CEP162: variants seen among roughly 807,000 people sequenced by gnomAD.
CEP162 encodes the protein centrosomal protein 162, also known as centrosomal protein of 162 kDa.
In CEP162, 141 loss-of-function variants were observed where a neutral mutation model predicts 169.2. That is an observed-to-expected ratio of 0.83 (90% confidence interval 0.73 to 0.96). The LOEUF is 0.96. Among genes scored for constraint, CEP162 ranks in the 40% least tolerant of loss-of-function variants. The probability of loss-of-function intolerance (pLI) is 0.00; values close to 1 mark genes in which losing one functional copy is unlikely to be tolerated. For missense variants in CEP162, 1,600 were observed against 1,587.2 expected (o/e 1.01, Z -0.14); for synonymous variants, 540 against 526.4 (o/e 1.03, Z -0.35).
At chr6:84,171,508 A>G (rs2099530106) in intron 17 of CEP162, 98 bp downstream of exon 17, 1 of 470,282 alleles carries the variant, frequency 2.1e-6, no homozygotes, top group South Asian at 7.0e-5. Context: ...ATAAAATTTT[A>G]CTATGTCTAA....
intron 11 of CEP162, among the ~76,000 whole-genome samples, chr6:84,190,886 T>A (rs1417627541): frequency 2.0e-5 from 3 of 152,236 alleles, no homozygotes; most frequent in African/African-American, 7.2e-5. Context: ...TTTCACTATG[T>A]TGGCCAGGAT....
intron 6 of CEP162, among the ~76,000 whole-genome samples, chr6:84,206,134 G>A (rs922850589): frequency 1.3e-5 from 2 of 149,148 alleles, no homozygotes; most frequent in Non-Finnish European, 2.9e-5. Context: ...CGTGAAAATG[G>A]CCATACTGCC....
intron 25 of CEP162, among the ~76,000 whole-genome samples, chr6:84,134,949 CACACACAT>C (rs1561998740): frequency 6.6e-6 from 1 of 151,146 alleles, no homozygotes; most frequent in African/African-American, 2.4e-5. Context: ...CACACACACA[CACACACAT>C]ATATAGTGTT....
chr6:84,194,501 G>A (rs1306481093), intron 10 of CEP162, among the ~76,000 whole-genome samples: 2 of 149,726 alleles, frequency 1.3e-5, no homozygotes, highest in Non-Finnish European at 3.0e-5. Flanking sequence ...TTGCCAGGCT[G>A]GAGGAGCAGT....
intron 6 of CEP162, among the ~76,000 whole-genome samples, chr6:84,211,655 A>T (rs2127745287): frequency 6.6e-6 from 1 of 152,044 alleles, no homozygotes; most frequent in East Asian, 1.9e-4. Context: ...GAAAGAAAAA[A>T]AGTTTTTAAA....
intron 25 of CEP162, among the ~76,000 whole-genome samples, chr6:84,133,407 A>G (rs983663356): frequency 2.6e-5 from 4 of 152,206 alleles, no homozygotes; most frequent in South Asian, 4.1e-4. Flanking sequence ...GGGACGTTTA[A>G]GTCTGCAGAA....
rs768257849 is a variant in CEP162 at position 84,153,001 on chromosome 6, T to A, written c.3173A>T (p.Glu1058Val). 1 of 1,613,650 alleles carries A rather than the reference T, an allele frequency of 6.2e-7. No homozygotes were observed. Among genetic ancestry groups the A allele is most frequent in the East Asian group, 2.2e-5 (1 of 44,870 alleles). The change falls in exon 23 of 27, where the codon GAA (glutamate) becomes GTA (valine). Residue 1058 changes from glutamate (E) to valine (V), a missense_variant. Coordinates refer to ENST00000403245, the MANE Select transcript of CEP162 (RefSeq NM_014895.4). ...EIDVLKHQNA[E>V]LDVKKNDKDD... Reference sequence around the variant, plus strand: ...TTTATCATTTTTCTTGACGTCTAATTCAGCATTCTGATGTTTAAGAACGTC... The same window carrying A: ...TTTATCATTTTTCTTGACGTCTAATACAGCATTCTGATGTTTAAGAACGTC...
At position 84,174,822 on chromosome 6, in the gene CEP162, C is replaced by CTTGTTGTTT; in HGVS notation, c.1929_1930insAAACAACAA (p.Lys643_Glu644insLysGlnGln). ...TCCAACTTATTTTCTAGTTCTTTCT[C>CTTGTTGTTT]CTTTTCTGAGAATGTGGCTTTAATT... On this transcript the variant is annotated inframe_insertion, in exon 15 of 27. Coordinates refer to ENST00000403245, the MANE Select transcript of CEP162 (RefSeq NM_014895.4). 6.2e-7 allele frequency: 1 copy of CTTGTTGTTT among 1,601,226 alleles called. No homozygotes were observed. Among genetic ancestry groups the CTTGTTGTTT allele is most frequent in the Non-Finnish European group, 8.5e-7 (1 of 1,171,784 alleles).
At chr6:84,185,082 T>C (rs1222447826) in intron 13 of CEP162, 105 bp downstream of exon 13, 2 of 1,027,488 alleles carry the variant, frequency 1.9e-6, no homozygotes, top group African/African-American at 3.2e-5. Flanking sequence ...CAAGCCCTGT[T>C]GCCTCCTGCA....
Position 84,226,371 on chromosome 6 carries a change from T to C in CEP162, c.23A>G (p.Glu8Gly). 6.4e-7 allele frequency: 1 copy of C among 1,569,026 alleles called. No individual in the cohort carries two copies. Among genetic ancestry groups the C allele is most frequent in the Non-Finnish European group, 8.7e-7 (1 of 1,154,314 alleles). Residue 8 changes from glutamate to glycine, a missense_variant, in exon 2 of 27, where the codon GAG becomes GGG. Physicochemically the swap from Glu to Gly is moderately conservative, Grantham distance 98. Coordinates refer to ENST00000403245, the MANE Select transcript of CEP162 (RefSeq NM_014895.4). The stretch of plus-strand genomic sequence containing the variant: ...AAACTGTTCAAACTCTTCATCTAGC[T>C]CTTCTTGGGAACAGTTAGCCATAGT... Reference protein sequence around the residue: MANCSQEELDEEFEQFMK... With the variant: MANCSQEGLDEEFEQFMK...
Position 84,203,989 on chromosome 6 carries a change from G to T in CEP162, c.679C>A (p.Pro227Thr), listed in dbSNP as rs1296967578. 5 of 1,599,256 alleles carry T rather than the reference G, an allele frequency of 3.1e-6. No homozygotes were observed. Among genetic ancestry groups the T allele is most frequent in the Non-Finnish European group, 4.3e-6 (5 of 1,171,374 alleles). ...ENSKSEKISV[P>T]KQEEEKTGML... ...ATAATTGATATATATACCTGTTTGG[G>T]CACACTTATTTTTTCTGATTTGGAA... The change falls in exon 7 of 27, where the codon CCC becomes ACC. Residue 227 changes from proline (P) to threonine (T), a missense_variant. Pro to Thr is a conservative substitution (Grantham distance 38, BLOSUM62 -1). Coordinates refer to ENST00000403245, the MANE Select transcript of CEP162 (RefSeq NM_014895.4).
intron 19 of CEP162, 99 bp downstream of exon 19, chr6:84,163,045 G>A: frequency 2.7e-6 from 3 of 1,100,554 alleles, no homozygotes; most frequent in South Asian, 1.7e-5. Context: ...ATACTTCAAG[G>A]AGTAGCATTT....
intron 12 of CEP162, among the ~76,000 whole-genome samples, chr6:84,185,696 A>C (rs1374203284): frequency 6.6e-6 from 1 of 152,162 alleles, no homozygotes; most frequent in Non-Finnish European, 1.5e-5. Flanking sequence ...CCAGAAACCA[A>C]GATGTGTAAT....
intron 9 of CEP162, among the ~76,000 whole-genome samples, chr6:84,199,129 G>T (rs1490059813): frequency 6.6e-6 from 1 of 152,072 alleles, no homozygotes; most frequent in Non-Finnish European, 1.5e-5. Flanking sequence ...AAAAATTCAT[G>T]TCTGCCTACT....
At chr6:84,154,376 CTACCTAT>C (rs1163985723) in intron 22 of CEP162, among the ~76,000 whole-genome samples, 5 of 130,530 alleles carry the variant, frequency 3.8e-5, no homozygotes, top group African/African-American at 9.3e-5. Context: ...ATCTATCTAT[CTACCTAT>C]CTATCTATCT....
intron 18 of CEP162, among the ~76,000 whole-genome samples, chr6:84,168,691 T>C (rs1208835641): frequency 1.3e-5 from 2 of 152,192 alleles, no homozygotes; most frequent in African/African-American, 4.8e-5. Flanking sequence ...GAATTACTTC[T>C]GCTTAAAATA....
intron 9 of CEP162, among the ~76,000 whole-genome samples, chr6:84,196,957 A>T (rs1049325541): frequency 6.6e-6 from 1 of 152,344 alleles, no homozygotes; most frequent in Admixed American, 6.5e-5. Context: ...TTTCAAGAGG[A>T]CATGAGGAAA....
chr6:84,223,500 A>AAAAT (rs539333560), intron 2 of CEP162, among the ~76,000 whole-genome samples: 7,027 of 150,466 alleles, frequency 0.047, 244 homozygotes, highest in Admixed American at 0.094. Flanking sequence ...CTCTATCTCA[A>AAAAT]AAATAAATAA....
chr6:84,209,791 T>C (rs2099548729), intron 6 of CEP162, among the ~76,000 whole-genome samples: 1 of 152,172 alleles, frequency 6.6e-6, no homozygotes, highest in Non-Finnish European at 1.5e-5. Flanking sequence ...TTTATTATTT[T>C]CATTTAGTAA....
Sources: gnomAD v4.1 joint callset for allele counts (sites outside exome capture counted in the v4.1 genomes callset) on GRCh38, gnomAD v4.1.1 for gene constraint, MANE v1.5 for transcripts, NCBI Gene and HGNC (gene_info 2026-07-23, HGNC 2026-07-21) for gene names.